KNDC1: variants seen among roughly 807,000 people sequenced by gnomAD.
The protein encoded by KNDC1 is kinase non-catalytic C-lobe domain-containing protein 1.
Under a neutral mutation model 172.8 loss-of-function variants are expected in KNDC1, and 106 were observed. The observed-to-expected ratio is 0.61, with a 90% CI of 0.52 to 0.72. The LOEUF (loss-of-function observed/expected upper bound fraction) is 0.72. KNDC1 is among the 30% of genes least tolerant of loss of function. The probability of loss-of-function intolerance (pLI) is 0.00; values close to 1 mark genes in which losing one functional copy is unlikely to be tolerated. For synonymous variants in KNDC1, 1,083 were observed against 1,062.2 expected, an observed-to-expected ratio of 1.02 and a Z score of -0.38; for missense variants, 2,325 against 2,394.5, an observed-to-expected ratio of 0.97 and a Z score of 0.61.
At chr10:133,196,911 C>T (rs550229954) in intron 10 of KNDC1, 147 bp from the exon 11 acceptor site, 20 of 639,624 alleles carry the variant, frequency 3.1e-5, no homozygotes, top group Non-Finnish European at 5.7e-5. Context: ...AAAGGCTTGT[C>T]CGGGGCCTGT....
intron 17 of KNDC1, among the ~76,000 whole-genome samples, chr10:133,204,173 C>A (rs895635456): frequency 6.6e-6 from 1 of 152,192 alleles, no homozygotes; most frequent in Non-Finnish European, 1.5e-5. Context: ...GGACCAGGTG[C>A]CCCGGCAGCA....
At chr10:133,212,179 C>G (rs1845381852) in intron 23 of KNDC1, among the ~76,000 whole-genome samples, 1 of 151,876 alleles carries the variant, frequency 6.6e-6, no homozygotes, top group Admixed American at 6.5e-5. Context: ...CACCCTCACA[C>G]ATATCCACAC....
rs1262059179 is a variant in KNDC1 at position 133,188,667 on chromosome 10, C to T, written c.1441+14C>T. ...CTGAGCACCCAGGTGACGCACGCACCATCCCATCCCCCCCGCCGTCCCCAC... is the reference window on the plus strand; with the variant it reads ...CTGAGCACCCAGGTGACGCACGCACTATCCCATCCCCCCCGCCGTCCCCAC... On this transcript the variant is annotated intron_variant, in intron 7 of 29. Coordinates refer to ENST00000304613, the MANE Select transcript of KNDC1 (RefSeq NM_152643.8). 2.0e-6 allele frequency: 3 copies of T among 1,506,976 alleles called. No individual in the cohort carries two copies. Among genetic ancestry groups the T allele is most frequent in the Admixed American group, 3.8e-5 (2 of 52,588 alleles). The allele number at this position is 1,506,976 out of a possible 1,614,324, so 93.4% of individuals were successfully genotyped here.
chr10:133,162,980 C>T (rs1390568642), intron 1 of KNDC1, among the ~76,000 whole-genome samples: 1 of 152,182 alleles, frequency 6.6e-6, no homozygotes, highest in African/African-American at 2.4e-5. Flanking sequence ...CAAAGAACCA[C>T]CAGTACACGA....
chr10:133,218,407 C>T (rs1160144375), intron 26 of KNDC1, among the ~76,000 whole-genome samples: 1 of 152,212 alleles, frequency 6.6e-6, no homozygotes, highest in Non-Finnish European at 1.5e-5. Context: ...ACTCCTGCCA[C>T]GGGCTTGGCG....
Position 133,189,651 on chromosome 10 carries a change from C to A in KNDC1, c.1495C>A (p.Gln499Lys). 1 of 1,613,904 alleles carries A rather than the reference C, an allele frequency of 6.2e-7. No homozygotes were observed. Among genetic ancestry groups the A allele is most frequent in the Non-Finnish European group, 8.5e-7 (1 of 1,179,988 alleles). Residue 499 changes from glutamine to lysine, a missense_variant, in exon 8 of 30, where the codon CAG becomes AAG. Gln to Lys is a moderately conservative substitution (Grantham distance 53, BLOSUM62 1). Transcript: ENST00000304613. The part of the protein sequence containing the change: ...LVAEDGAVLF[Q>K]PPPANGSYDS... ...TGCTGAGGACGGGGCTGTGCTCTTC[C>A]AGCCACCCCCTGCCAACGGTGAGTG...
At position 133,199,605 on chromosome 10, in the gene KNDC1, G is replaced by A. The variant is rs769888866; in HGVS notation, c.2903+3G>A. The A allele has an allele frequency of 5.0e-6, 8 of 1,612,796 alleles. No homozygotes were observed. Among genetic ancestry groups the A allele is most frequent in the African/African-American group, 1.3e-5 (1 of 74,922 alleles). ...GGGCAGGCGTCACCCTCCCCAAGGT[G>A]GGTGCCCAGTTCGGCCCTGCATTCC... On this transcript the variant is annotated splice_donor_region_variant and intron_variant, in intron 15 of 29. Coordinates refer to ENST00000304613, the MANE Select transcript of KNDC1 (RefSeq NM_152643.8).
chr10:133,224,745 T>C lies in KNDC1; in HGVS notation c.5105T>C (p.Leu1702Pro). ...CCCGACCCCAAGCTCCAGTCGTACC[T>C]CAAGCAGAGGATTGCCCGCTTCAGC... The part of the protein sequence containing the change: ...FSPDPKLQSY[L>P]KQRIARFSGA... The change falls in exon 30 of 30, where the codon CTC becomes CCC. Residue 1702 changes from leucine to proline, a missense_variant. Coordinates refer to ENST00000304613, the MANE Select transcript of KNDC1 (RefSeq NM_152643.8). The surrounding 1 kb of genome is among the most constrained non-coding windows in gnomAD (Gnocchi z 5.4). 6.2e-7 allele frequency: 1 copy of C among 1,614,008 alleles called. No individual in the cohort carries two copies. Among genetic ancestry groups the C allele is most frequent in the Non-Finnish European group, 8.5e-7 (1 of 1,179,996 alleles).
chr10:133,212,954 C>T (rs577780035), intron 24 of KNDC1, 32 bp downstream of exon 24: 22 of 1,582,844 alleles, frequency 1.4e-5, no homozygotes, highest in South Asian at 6.8e-5. Context: ...GCCCAGGTCA[C>T]CTGCGAGTCG....
intron 25 of KNDC1, 122 bp from the exon 26 acceptor site, chr10:133,213,850 G>A: frequency 6.9e-7 from 1 of 1,442,622 alleles, no homozygotes; most frequent in East Asian, 2.3e-5. Flanking sequence ...CGAGAGAGTG[G>A]TGTCTGCCAG....
At chr10:133,200,642 C>T (rs111565882) in intron 16 of KNDC1, among the ~76,000 whole-genome samples, 182 bp downstream of exon 16, 2,249 of 152,138 alleles carry the variant, frequency 0.015, 56 homozygotes, top group African/African-American at 0.052. Context: ...AGCCAAAGGC[C>T]GCCCTCTCCT....
intron 26 of KNDC1, among the ~76,000 whole-genome samples, chr10:133,216,718 C>T (rs1395033551): frequency 3.3e-5 from 5 of 152,066 alleles, no homozygotes; most frequent in African/African-American, 1.2e-4. Flanking sequence ...CAGAATAGGG[C>T]TTTGGTTTCT....
intron 28 of KNDC1, 26 bp from the exon 29 acceptor site, chr10:133,219,929 G>C (rs1307807720): frequency 7.8e-6 from 12 of 1,543,364 alleles, no homozygotes; most frequent in African/African-American, 4.1e-5. Context: ...GTCTCTCCCC[G>C]GCCCACGCCC....
chr10:133,160,454 G>C lies in KNDC1; in HGVS notation c.-14G>C. Reference sequence around the variant, plus strand: ...GCCGGAGGCCCCGGGGGCGGTGCGCGGCGCGGCCGCAGGATGCAGGCCATG... The same window carrying C: ...GCCGGAGGCCCCGGGGGCGGTGCGCCGCGCGGCCGCAGGATGCAGGCCATG... On this transcript the variant is annotated 5_prime_UTR_variant, in exon 1 of 30. Coordinates refer to ENST00000304613, the MANE Select transcript of KNDC1 (RefSeq NM_152643.8). The C allele has an allele frequency of 1.3e-6, 2 of 1,504,222 alleles. No individual in the cohort carries two copies. The highest frequency in any genetic ancestry group is 1.3e-5 in the South Asian group (1 of 79,662). 93.2% of individuals were successfully genotyped at this position (1,504,222 alleles called of 1,614,324 possible). A position where few individuals can be genotyped will look rare whatever the true frequency, so the allele number is the denominator to read the frequency against.
At chr10:133,172,995 G>A (rs1046884203) in intron 3 of KNDC1, among the ~76,000 whole-genome samples, 18 of 152,068 alleles carry the variant, frequency 1.2e-4, no homozygotes, top group Admixed American at 9.8e-4. Flanking sequence ...AGAGTGAGAC[G>A]CCACTTCTTA....
chr10:133,166,394 GCA>G (rs1212762508), intron 1 of KNDC1, among the ~76,000 whole-genome samples: 1 of 152,236 alleles, frequency 6.6e-6, no homozygotes, highest in East Asian at 1.9e-4. Flanking sequence ...TGTGGATTGT[GCA>G]GCCTTGTGTG....
At chr10:133,184,151 G>GC (rs1853812633) in intron 5 of KNDC1, among the ~76,000 whole-genome samples, 162 bp downstream of exon 5, 1 of 132,816 alleles carries the variant, frequency 7.5e-6, no homozygotes, top group African/African-American at 2.9e-5. Context: ...ACACACCCAT[G>GC]CACACACACT....
chr10:133,198,508 C>G lies in KNDC1; in HGVS notation c.2069+9C>G. 6.3e-7 allele frequency: 1 copy of G among 1,595,318 alleles called. No individual in the cohort carries two copies. Among genetic ancestry groups the G allele is most frequent in the African/African-American group, 1.3e-5 (1 of 74,782 alleles). On this transcript the variant is annotated intron_variant, in intron 13 of 29. Transcript: ENST00000304613. Reference sequence around the variant, plus strand: ...AACGCAAGTGTGGCCAGGTGAGCATCGTCCCCACACCCCGGAGCTGCTGGG... The same window carrying G: ...AACGCAAGTGTGGCCAGGTGAGCATGGTCCCCACACCCCGGAGCTGCTGGG...
intron 5 of KNDC1, 31 bp from the exon 6 acceptor site, chr10:133,185,943 C>T: frequency 1.1e-6 from 1 of 882,800 alleles, no homozygotes; most frequent in Non-Finnish European, 1.5e-6. Flanking sequence ...GGAGGGGCAC[C>T]CAGCCGTGAC....
Sources: gnomAD v4.1 joint callset for allele counts (sites outside exome capture counted in the v4.1 genomes callset) on GRCh38, gnomAD v4.1.1 for gene constraint, Gnocchi (gnomAD v3.1) non-coding constraint, MANE v1.5 for transcripts, NCBI Gene and HGNC (gene_info 2026-07-23, HGNC 2026-07-21) for gene names.